SNTG2: variants seen among roughly 807,000 people sequenced by gnomAD.
The protein encoded by SNTG2 is gamma-2-syntrophin.
Under a neutral mutation model 70.9 loss-of-function variants are expected in SNTG2, and 74 were observed. That is an observed-to-expected ratio of 1.04 (90% CI 0.86 to 1.27). The LOEUF (loss-of-function observed/expected upper bound fraction) is 1.27. Ranked by LOEUF, SNTG2 falls within the 50% of genes most tolerant of loss-of-function variation. The pLI is 0.00. For synonymous variants in SNTG2, 278 were observed against 273.8 expected (o/e 1.02, Z -0.15); for missense variants, 717 against 690.7 (o/e 1.04, Z -0.43).
chr2:1,303,744 GA>G (rs955705838), intron 14 of SNTG2, among the ~76,000 whole-genome samples: 4 of 152,166 alleles, frequency 2.6e-5, no homozygotes, highest in African/African-American at 9.7e-5. Context: ...GAGAAAAAGA[GA>G]AGACAAAAAT....
At chr2:962,714 A>G (rs953359170) in intron 1 of SNTG2, among the ~76,000 whole-genome samples, 2 of 152,244 alleles carry the variant, frequency 1.3e-5, no homozygotes, top group Admixed American at 1.3e-4. Context: ...CAACCTCATG[A>G]TGTTAAGTAA....
At chr2:1,221,437 G>GTCTCTGCCTCTGTCTCTCTCTTTGTCCC (rs1674810604) in intron 9 of SNTG2, among the ~76,000 whole-genome samples, 5 of 84,996 alleles carry the variant, frequency 5.9e-5, no homozygotes, top group East Asian at 3.6e-4. Flanking sequence ...GTCTCTCTCT[G>GTCTCTGCCTCTGTCTCTCTCTTTGTCCC]TCTCTGTCTC....
intron 14 of SNTG2, among the ~76,000 whole-genome samples, chr2:1,292,530 T>G (rs2148223215): frequency 6.6e-6 from 1 of 152,268 alleles, no homozygotes; most frequent in South Asian, 2.1e-4. Flanking sequence ...CAATTTCTAG[T>G]TTGTTGGGTG....
chr2:1,357,331 CT>C (rs1209907955), intron 16 of SNTG2, among the ~76,000 whole-genome samples: 1 of 152,060 alleles, frequency 6.6e-6, no homozygotes, highest in African/African-American at 2.4e-5. Context: ...TCTATTCCTA[CT>C]TTTTATTACT....
intron 8 of SNTG2, among the ~76,000 whole-genome samples, chr2:1,208,652 T>C (rs1673827517): frequency 6.6e-6 from 1 of 151,842 alleles, no homozygotes. Flanking sequence ...CAGCACAGAG[T>C]CGTTGCTACC....
intron 1 of SNTG2, among the ~76,000 whole-genome samples, chr2:1,002,518 C>T (rs1659428876): frequency 6.6e-6 from 1 of 151,984 alleles, no homozygotes; most frequent in Non-Finnish European, 1.5e-5. Flanking sequence ...CGACACTGAT[C>T]ATCACAGAAA....
intron 7 of SNTG2, among the ~76,000 whole-genome samples, chr2:1,172,172 G>A (rs1185340017): frequency 6.6e-6 from 1 of 152,318 alleles, no homozygotes. Flanking sequence ...AGGTCCTCCT[G>A]CTAGTGCTGT....
In SNTG2 at chr2:994,370, A is replaced by G. The variant is rs151074777; in HGVS notation, c.72+43302A>G. On this transcript the variant is annotated intron_variant, in intron 1 of 16. Coordinates refer to ENST00000308624, the MANE Select transcript of SNTG2 (RefSeq NM_018968.4). ...TCCCATTCCATTGATCTATATCTCTATTTTTATAAAGCTATGTTAATATTT... is the reference window on the plus strand; with the variant it reads ...TCCCATTCCATTGATCTATATCTCTGTTTTTATAAAGCTATGTTAATATTT... Among the ~76,000 whole-genome samples the G allele has an allele frequency of 7.2e-5, 11 of 152,084 alleles. No individual in the cohort carries two copies. In the East Asian group the frequency reaches 1.2e-3, roughly 16 times the overall value.
At chr2:1,021,267 G>A (rs1660156469) in intron 1 of SNTG2, among the ~76,000 whole-genome samples, 1 of 152,174 alleles carries the variant, frequency 6.6e-6, no homozygotes, top group African/African-American at 2.4e-5. Context: ...AATGTGATTA[G>A]TAGGAGGTTC....
chr2:1,129,225 C>G (rs1346316226), intron 4 of SNTG2, among the ~76,000 whole-genome samples: 4 of 152,174 alleles, frequency 2.6e-5, no homozygotes, highest in Non-Finnish European at 5.9e-5. Context: ...AGGTGGTTCT[C>G]ACTATTTAGC....
chr2:1,105,890 C>T (rs4390801), intron 4 of SNTG2, among the ~76,000 whole-genome samples: 2,632 of 152,318 alleles, frequency 0.017, 74 homozygotes, highest in African/African-American at 0.06. Flanking sequence ...GCCTCCCCCG[C>T]GTGTCACAGC....
intron 7 of SNTG2, among the ~76,000 whole-genome samples, chr2:1,171,484 G>T (rs1007769469): frequency 1.4e-4 from 22 of 152,194 alleles, no homozygotes; most frequent in Admixed American, 1.4e-3. Context: ...CATTGGGAAA[G>T]AATTTCAAAT....
intron 4 of SNTG2, chr2:1,103,379 CTTT>C: frequency 4.0e-6 from 1 of 248,216 alleles, no homozygotes; most frequent in Non-Finnish European, 8.1e-6. Context: ...TTATAAATTT[CTTT>C]TTTTTTTTAT....
chr2:1,290,105 C>T (rs1439373921), intron 14 of SNTG2, among the ~76,000 whole-genome samples: 1 of 152,064 alleles, frequency 6.6e-6, no homozygotes, highest in South Asian at 2.1e-4. Flanking sequence ...GTGTATTAGT[C>T]CATTCTCACA....
intron 16 of SNTG2, among the ~76,000 whole-genome samples, chr2:1,335,083 T>G (rs1271927052): frequency 1.3e-5 from 2 of 152,228 alleles, no homozygotes; most frequent in Non-Finnish European, 2.9e-5. Flanking sequence ...AAGAGATTCA[T>G]GTGTTTTTGT....
At chr2:1,223,536 A>G (rs1675511419) in intron 9 of SNTG2, among the ~76,000 whole-genome samples, 1 of 152,200 alleles carries the variant, frequency 6.6e-6, no homozygotes, top group Non-Finnish European at 1.5e-5. Flanking sequence ...GGCCAGAGTC[A>G]TTTTACCATG....
intron 1 of SNTG2, among the ~76,000 whole-genome samples, chr2:1,028,754 T>TTA (rs1660643093): frequency 6.9e-6 from 1 of 145,434 alleles, no homozygotes; most frequent in Non-Finnish European, 1.5e-5. Flanking sequence ...TTTTTTTTTT[T>TTA]AAATGCTAAT....
chr2:1,156,804 G>T (rs918183021), intron 6 of SNTG2, among the ~76,000 whole-genome samples: 1 of 152,104 alleles, frequency 6.6e-6, no homozygotes, highest in African/African-American at 2.4e-5. Context: ...GGTAGGAAAT[G>T]AACGGGCCTG....
In SNTG2 at chr2:1,225,581, C is replaced by T. The variant is rs6753657; in HGVS notation, c.720-12307C>T. On this transcript the variant is annotated intron_variant, in intron 9 of 16. Coordinates refer to ENST00000308624, the MANE Select transcript of SNTG2 (RefSeq NM_018968.4). ...GTGGTTCTGTAAAGTCCGTAGCTTA[C>T]GGTTGGCAGGAAACATTGACGGGCG... Among the ~76,000 whole-genome samples the T allele has an allele frequency of 9.3e-3, 1,418 of 152,234 alleles. 17 individuals carry two copies. Among genetic ancestry groups the T allele is most frequent in the African/African-American group, 0.032 (1,311 of 41,534 alleles).
Sources: gnomAD v4.1 joint callset for allele counts (sites outside exome capture counted in the v4.1 genomes callset) on GRCh38, gnomAD v4.1.1 for gene constraint, MANE v1.5 for transcripts, NCBI Gene and HGNC (gene_info 2026-07-23, HGNC 2026-07-21) for gene names.